The following FAM135A variants were observed in gnomAD, a reference collection of about 807,000 sequenced individuals.
The protein encoded by FAM135A is protein FAM135A.
In FAM135A, 79 loss-of-function variants were observed where a neutral mutation model predicts 146.8. The observed-to-expected ratio is 0.54, with a 90% confidence interval of 0.45 to 0.65. The LOEUF (loss-of-function observed/expected upper bound fraction) is 0.65. FAM135A is among the 30% of genes least tolerant of loss of function. FAM135A has a pLI of 0.00. For missense variants in FAM135A, 1,623 were observed against 1,758.2 expected, an observed-to-expected ratio of 0.92 and a Z score of 1.38; for synonymous variants, 562 against 603.6, an observed-to-expected ratio of 0.93 and a Z score of 1.01.
At chr6:70,453,064 T>G (rs1777484952) in intron 5 of FAM135A, among the ~76,000 whole-genome samples, 1 of 152,184 alleles carries the variant, frequency 6.6e-6, no homozygotes, top group African/African-American at 2.4e-5. Context: ...ACTCATATTC[T>G]AAGGAGAGAC....
intron 4 of FAM135A, among the ~76,000 whole-genome samples, chr6:70,433,041 A>G (rs1375434920): frequency 1.3e-5 from 2 of 151,830 alleles, no homozygotes; most frequent in Non-Finnish European, 2.9e-5. Context: ...CTGTTATGCT[A>G]GGATGTCCGT....
At chr6:70,470,625 G>A (rs534921608) in intron 5 of FAM135A, among the ~76,000 whole-genome samples, 1 of 152,284 alleles carries the variant, frequency 6.6e-6, no homozygotes, top group South Asian at 2.1e-4. Flanking sequence ...CCAAAGTGTT[G>A]GAATTACAGG....
In FAM135A at chr6:70,501,433, G is replaced by A. The variant is rs559205577; in HGVS notation, c.874-1203G>A. On this transcript the variant is annotated intron_variant, in intron 11 of 21. Transcript: ENST00000418814. ...AGTGATTCCTAGCTTGCTGGGCTCC[G>A]TGGGAGAGGGACCCGCTGAGAGAGA... Among the ~76,000 whole-genome samples, 9 of 152,312 alleles carry A rather than the reference G, an allele frequency of 5.9e-5. No individual in the cohort carries two copies. In the East Asian group the frequency reaches 9.6e-4, roughly 16 times the overall value.
chr6:70,415,537 G>A (rs569164689), intron 2 of FAM135A, among the ~76,000 whole-genome samples, 161 bp downstream of exon 2: 2 of 152,246 alleles, frequency 1.3e-5, no homozygotes, highest in Admixed American at 6.5e-5. Context: ...TATGGTAAGA[G>A]GTGATGCACT....
At position 70,523,994 on chromosome 6, in the gene FAM135A, C is replaced by T. The variant is rs1442010751; in HGVS notation, c.1131C>T (p.Thr377=). The part of the protein sequence containing the change: ...LHAQSHLQMC[T]AIKNTSFCSS... Reference sequence around the variant, plus strand: ...CTCAGAGTCATCTACAGATGTGCACCGCTATCAAAAATACTTCCTTCTGCA... The same window carrying T: ...CTCAGAGTCATCTACAGATGTGCACTGCTATCAAAAATACTTCCTTCTGCA... Residue 377 remains threonine, a synonymous_variant, in exon 14 of 22, where the codon ACC becomes ACT. Coordinates refer to ENST00000418814, the MANE Select transcript of FAM135A (RefSeq NM_001162529.3). 8 of 1,611,894 alleles carry T rather than the reference C, an allele frequency of 5.0e-6. No homozygotes were observed. The highest frequency in any genetic ancestry group is 6.8e-6 in the Non-Finnish European group (8 of 1,179,216).
intron 11 of FAM135A, 127 bp from the exon 12 acceptor site, chr6:70,502,509 T>C (rs984339240): frequency 1.1e-6 from 1 of 885,634 alleles, no homozygotes; most frequent in African/African-American, 1.7e-5. Context: ...TGCATGCACA[T>C]ACAAATGCAC....
chr6:70,544,659 T>A (rs1798524304), intron 20 of FAM135A, among the ~76,000 whole-genome samples: 1 of 151,938 alleles, frequency 6.6e-6, no homozygotes, highest in Non-Finnish European at 1.5e-5. Context: ...AAGAATTGCT[T>A]GAACCAGGGA....
At chr6:70,426,809 C>T (rs1312850500) in intron 3 of FAM135A, 1 of 152,172 alleles carries the variant, frequency 6.6e-6, no homozygotes, top group Non-Finnish European at 1.5e-5. Flanking sequence ...ATTAGGGGAA[C>T]CTGAGTCTTT....
chr6:70,426,109 C>CAAAA (rs543932611), intron 2 of FAM135A, among the ~76,000 whole-genome samples: 6,023 of 95,662 alleles, frequency 0.063, 263 homozygotes, highest in African/African-American at 0.16. Flanking sequence ...GACTCCGTCT[C>CAAAA]AAAAAAAAAA....
At chr6:70,473,067 C>A (rs1315382956) in intron 5 of FAM135A, among the ~76,000 whole-genome samples, 1 of 152,168 alleles carries the variant, frequency 6.6e-6, no homozygotes, top group African/African-American at 2.4e-5. Flanking sequence ...TATGGACTTA[C>A]AGATTTCTGT....
At position 70,449,138 on chromosome 6, in the gene FAM135A, A is replaced by T. The variant is rs193152857; in HGVS notation, c.78-3354A>T. The stretch of plus-strand genomic sequence containing the variant: ...AGTGGCTTTCTTTTCATATTTTAAA[A>T]TTTTTTTTGACAATTTAAAAGTTGT... On this transcript the variant is annotated intron_variant, in intron 4 of 21. Transcript: ENST00000418814. Among the ~76,000 whole-genome samples, 111 of 152,112 alleles carry T rather than the reference A, an allele frequency of 7.3e-4. 1 individual carries two copies. In the East Asian group the frequency reaches 0.019, roughly 26 times the overall value.
chr6:70,558,845 A>C (rs1282310337), intron 21 of FAM135A, among the ~76,000 whole-genome samples: 1 of 152,088 alleles, frequency 6.6e-6, no homozygotes. Context: ...AAACAAAAAT[A>C]AGGAGAGAGG....
At chr6:70,445,706 G>A (rs1308413909) in intron 4 of FAM135A, among the ~76,000 whole-genome samples, 2 of 152,220 alleles carry the variant, frequency 1.3e-5, no homozygotes, top group South Asian at 2.1e-4. Flanking sequence ...TCCACCCTGG[G>A]TGGGCCAGGT....
chr6:70,425,107 A>G (rs1397885020), intron 2 of FAM135A, among the ~76,000 whole-genome samples: 2 of 148,726 alleles, frequency 1.3e-5, no homozygotes, highest in Admixed American at 6.7e-5. Context: ...ATATATATTT[A>G]TATATATAAA....
chr6:70,422,359 T>C (rs1288238148), intron 2 of FAM135A, among the ~76,000 whole-genome samples: 2 of 152,204 alleles, frequency 1.3e-5, no homozygotes, highest in Non-Finnish European at 2.9e-5. Context: ...CCTTGCTCTC[T>C]TTTGCCTGCT....
Position 70,529,335 on chromosome 6 carries a change from G to A in FAM135A, c.3775+883G>A, listed in dbSNP as rs143815513. On this transcript the variant is annotated intron_variant, in intron 16 of 21. Transcript: ENST00000418814. The stretch of plus-strand genomic sequence containing the variant: ...ATCTCTAGAACAATGCAATATTACT[G>A]TATTATGAGATTCTATAGCAGCAAA... Among the ~76,000 whole-genome samples, 3 of 149,876 alleles carry A rather than the reference G, an allele frequency of 2.0e-5. No individual in the cohort carries two copies. The East Asian group carries it at 5.9e-4, about 30-fold the overall frequency.
At chr6:70,539,370 A>G (rs532376093) in intron 20 of FAM135A, among the ~76,000 whole-genome samples, 48 of 152,294 alleles carry the variant, frequency 3.2e-4, no homozygotes, top group Middle Eastern at 6.8e-3. Flanking sequence ...CAACTACTTA[A>G]CAATACCATT....
At position 70,533,171 on chromosome 6, in the gene FAM135A, G is replaced by T; in HGVS notation, c.3787G>T (p.Asp1263Tyr). 1 of 1,612,704 alleles carries T rather than the reference G, an allele frequency of 6.2e-7. No homozygotes were observed. The highest frequency in any genetic ancestry group is 8.5e-7 in the Non-Finnish European group (1 of 1,179,098). Residue 1263 changes from aspartate to tyrosine, a missense_variant, in exon 17 of 22, where the codon GAT (aspartate) becomes TAT (tyrosine). This residue lies in a region of FAM135A where 1,061 missense variants were observed against 1,113.8 expected (regional missense o/e 0.95). Coordinates refer to ENST00000418814, the MANE Select transcript of FAM135A (RefSeq NM_001162529.3). ...CVHGLDGNSA[D>Y]LRLVKTYIEL... ...TTTTCATTTTTTAGGAAACAGTGCA[G>T]ATCTCCGATTAGTAAAAACTTACAT...
intron 5 of FAM135A, among the ~76,000 whole-genome samples, chr6:70,460,578 A>G (rs911519625): frequency 6.6e-6 from 1 of 152,194 alleles, no homozygotes; most frequent in African/African-American, 2.4e-5. Flanking sequence ...TATCCAACAT[A>G]AAGAAGGAAG....
Sources: gnomAD v4.1 joint callset for allele counts (sites outside exome capture counted in the v4.1 genomes callset) on GRCh38, gnomAD v4.1.1 for gene constraint, gnomAD v4.1.1 regional missense constraint, MANE v1.5 for transcripts, NCBI Gene and HGNC (gene_info 2026-07-23, HGNC 2026-07-21) for gene names.